Variants in USH2A observed in about 807,000 individuals in gnomAD.
The protein encoded by USH2A is usherin.
Under a neutral mutation model 538.9 loss-of-function variants are expected in USH2A, and 443 were observed. That is an observed-to-expected ratio of 0.82 (90% CI 0.76 to 0.89). USH2A has a LOEUF of 0.89. USH2A is among the 40% of genes least tolerant of loss of function. USH2A has a pLI of 0.00. For synonymous variants in USH2A, 2,413 were observed against 2,273.5 expected (o/e 1.06, Z -1.75); for missense variants, 6,633 against 6,324.8 (o/e 1.05, Z -1.65).
chr1:216,038,551 T>C (rs2030104785), intron 32 of USH2A, among the ~76,000 whole-genome samples: 1 of 152,018 alleles, frequency 6.6e-6, no homozygotes, highest in Non-Finnish European at 1.5e-5. Flanking sequence ...CAGTTTATGG[T>C]GTCAACACTC....
chr1:215,686,018 T>C (rs1228356095), intron 61 of USH2A, among the ~76,000 whole-genome samples: 1 of 152,168 alleles, frequency 6.6e-6, no homozygotes, highest in Non-Finnish European at 1.5e-5. Flanking sequence ...TTAGTGTGTA[T>C]GTGCTAGGCA....
intron 58 of USH2A, among the ~76,000 whole-genome samples, chr1:215,752,269 G>A (rs1196108052): frequency 6.6e-6 from 1 of 152,082 alleles, no homozygotes; most frequent in Non-Finnish European, 1.5e-5. Context: ...CATTAATTCA[G>A]CAAAATTTTT....
intron 30 of USH2A, among the ~76,000 whole-genome samples, chr1:216,066,419 T>C (rs2102542682): frequency 6.6e-6 from 1 of 152,166 alleles, no homozygotes; most frequent in African/African-American, 2.4e-5. Context: ...TGAGCAGAGA[T>C]TGCGCCACTG....
At chr1:216,221,757 T>G (rs1357931680) in intron 14 of USH2A, among the ~76,000 whole-genome samples, 2 of 152,188 alleles carry the variant, frequency 1.3e-5, no homozygotes, top group Non-Finnish European at 2.9e-5. Flanking sequence ...TTGTTGACAC[T>G]CCACATATTT....
intron 50 of USH2A, among the ~76,000 whole-genome samples, chr1:215,796,670 C>G (rs1199078294): frequency 6.6e-6 from 1 of 152,008 alleles, no homozygotes; most frequent in Non-Finnish European, 1.5e-5. Flanking sequence ...CTTACAATAG[C>G]CTCTAAGTGT....
intron 11 of USH2A, among the ~76,000 whole-genome samples, chr1:216,269,389 C>T (rs371980603): frequency 1.4e-4 from 21 of 152,176 alleles, no homozygotes; most frequent in African/African-American, 5.1e-4. Context: ...GATCGTGAGG[C>T]CTCCCCAGCC....
intron 30 of USH2A, among the ~76,000 whole-genome samples, chr1:216,065,876 G>A (rs1275812166): frequency 6.6e-6 from 1 of 151,918 alleles, no homozygotes; most frequent in Non-Finnish European, 1.5e-5. Context: ...CAACCTGGGT[G>A]ACAGAGTGAG....
intron 21 of USH2A, among the ~76,000 whole-genome samples, chr1:216,136,755 C>T (rs1480546224): frequency 6.6e-6 from 1 of 152,070 alleles, no homozygotes; most frequent in African/African-American, 2.4e-5. Flanking sequence ...GACAGATGTG[C>T]ATGCAAAGAA....
intron 21 of USH2A, among the ~76,000 whole-genome samples, chr1:216,109,761 T>C (rs906173999): frequency 1.3e-5 from 2 of 152,200 alleles, no homozygotes; most frequent in Non-Finnish European, 2.9e-5. Context: ...AATTATCTGA[T>C]CAATTTATGT....
intron 38 of USH2A, among the ~76,000 whole-genome samples, chr1:215,923,333 C>T (rs945364878): frequency 3.4e-4 from 51 of 152,080 alleles, no homozygotes; most frequent in African/African-American, 1.2e-3. Flanking sequence ...CAAATGACGT[C>T]ACCAGAATCT....
intron 32 of USH2A, among the ~76,000 whole-genome samples, chr1:216,006,823 T>C (rs1471680986): frequency 6.6e-6 from 1 of 152,208 alleles, no homozygotes; most frequent in Non-Finnish European, 1.5e-5. Context: ...CTGATTGTCA[T>C]ACTAACCTAT....
At chr1:215,661,878 C>G (rs1010199011) in intron 64 of USH2A, among the ~76,000 whole-genome samples, 3 of 152,150 alleles carry the variant, frequency 2.0e-5, no homozygotes, top group Non-Finnish European at 4.4e-5. Context: ...GATAAAGAAG[C>G]TGCTTCTTCC....
rs1191084342 is a variant in USH2A, at chr1:216,355,378, G to GAAAGAAAGAAAGAAA, written c.784+9574_784+9575insTTTCTTTCTTTCTTT. Among the ~76,000 whole-genome samples the GAAAGAAAGAAAGAAA allele has an allele frequency of 8.1e-3, 915 of 112,902 alleles. 53 individuals carry two copies. The highest frequency in any genetic ancestry group is 0.02 in the Middle Eastern group (4 of 196). 74.1% of individuals were successfully genotyped at this position (112,902 alleles called of 152,430 possible). A position where few individuals can be genotyped will look rare whatever the true frequency, so the allele number is the denominator to read the frequency against. ...AAGAAAGAAAGAAAGAAAGAAAGAA[G>GAAAGAAAGAAAGAAA]GAAAGAAACATATAGTATACAAGAA... On this transcript the variant is annotated intron_variant, in intron 4 of 71. Transcript: ENST00000307340.
chr1:215,700,835 C>T (rs1410560878), intron 61 of USH2A, among the ~76,000 whole-genome samples: 2 of 152,034 alleles, frequency 1.3e-5, no homozygotes, highest in East Asian at 3.9e-4. Context: ...TTAATTATTT[C>T]TTGTCTTCTG....
At chr1:216,080,980 C>A (rs2031923752) in intron 26 of USH2A, among the ~76,000 whole-genome samples, 1 of 151,880 alleles carries the variant, frequency 6.6e-6, no homozygotes. Context: ...TTTTCTTTCA[C>A]TTTCTACATC....
chr1:215,644,823 G>A (rs955245321), intron 67 of USH2A, among the ~76,000 whole-genome samples: 7 of 152,204 alleles, frequency 4.6e-5, no homozygotes, highest in Admixed American at 4.6e-4. Context: ...CCGTTCCTCA[G>A]GAAAGTTTTG....
intron 3 of USH2A, among the ~76,000 whole-genome samples, chr1:216,372,098 T>C (rs1266450123): frequency 6.6e-6 from 1 of 152,208 alleles, no homozygotes; most frequent in Non-Finnish European, 1.5e-5. Flanking sequence ...TTTGTAATGT[T>C]TGGAATGTGT....
chr1:216,094,433 A>T (rs1445829459), intron 22 of USH2A, among the ~76,000 whole-genome samples: 1 of 152,086 alleles, frequency 6.6e-6, no homozygotes. Flanking sequence ...CTCTCCTTCA[A>T]ATCTTACTAA....
At chr1:216,274,681 C>T (rs1190904081) in intron 11 of USH2A, among the ~76,000 whole-genome samples, 1 of 152,016 alleles carries the variant, frequency 6.6e-6, no homozygotes, top group African/African-American at 2.4e-5. Flanking sequence ...ATACTTGTTT[C>T]CATTTAAGTG....
Sources: gnomAD v4.1 joint callset for allele counts (sites outside exome capture counted in the v4.1 genomes callset) on GRCh38, gnomAD v4.1.1 for gene constraint, MANE v1.5 for transcripts, NCBI Gene and HGNC (gene_info 2026-07-23, HGNC 2026-07-21) for gene names.